The following PTCH2 variants were observed in gnomAD, a reference collection of about 807,000 sequenced individuals.
PTCH2 encodes protein patched homolog 2.
PTCH2 carries 96 observed loss-of-function variants against 117.9 expected under a neutral mutation model. The ratio of observed to expected loss-of-function variants is 0.81; its 90% CI spans 0.69 to 0.96. The LOEUF (loss-of-function observed/expected upper bound fraction) is 0.96, where lower values mean the gene tolerates loss of function less well. Ranked by LOEUF, PTCH2 falls within the 50% of genes least tolerant of loss-of-function variation. The pLI, the probability that PTCH2 is intolerant of heterozygous loss-of-function variation, is 0.00. For synonymous variants in PTCH2, 615 were observed against 660.9 expected (o/e 0.93, Z 1.06); for missense variants, 1,379 against 1,562.5 (o/e 0.88, Z 1.98).
chr1:44,821,270 G>T (rs1255868822), downstream of PTCH2, among the ~76,000 whole-genome samples: 1 of 152,196 alleles, frequency 6.6e-6, no homozygotes, highest in African/African-American at 2.4e-5. Context: ...TAGTGGAGCT[G>T]TTCAACTTTC....
At chr1:44,836,998 T>G (rs986439774) in intron 2 of PTCH2, among the ~76,000 whole-genome samples, 5 of 152,142 alleles carry the variant, frequency 3.3e-5, no homozygotes, top group African/African-American at 1.2e-4. Flanking sequence ...AAGAATGATT[T>G]CTTTTTCCTG....
Position 44,829,648 on chromosome 1 carries a change from G to C in PTCH2, c.1049C>G (p.Thr350Arg). The C allele has an allele frequency of 6.2e-7, 1 of 1,614,216 alleles. No homozygotes were observed. Among genetic ancestry groups the C allele is most frequent in the African/African-American group, 1.3e-5 (1 of 75,048 alleles). ...GCGCCGCTGCCAGGCTTGTAGCACT[G>C]TGCTGGCCTGCTCCTCACTCCAGCC... The part of the protein sequence containing the change: ...DIGWSEEQAS[T>R]VLQAWQRRFV... Residue 350 changes from threonine (T) to arginine (R), a missense_variant, in exon 8 of 22, where the codon ACA becomes AGA. Thr to Arg is a moderately conservative substitution (Grantham distance 71). Coordinates refer to ENST00000372192, the MANE Select transcript of PTCH2 (RefSeq NM_003738.5).
At position 44,822,673 on chromosome 1, in the gene PTCH2, T is replaced by A. The variant is rs750625056; in HGVS notation, c.3358-4A>T. 20 of 1,613,438 alleles carry A rather than the reference T, an allele frequency of 1.2e-5. No homozygotes were observed. Among genetic ancestry groups the A allele is most frequent in the African/African-American group, 2.7e-5 (2 of 74,832 alleles). On this transcript the variant is annotated splice_region_variant and splice_polypyrimidine_tract_variant and intron_variant, in intron 21 of 21. Transcript: ENST00000372192. Reference sequence around the variant, plus strand: ...TTTCCTTGTACATCTGTATCACCTGTGGGGAGACACCAGCCCCAGTAAGCC... The same window carrying A: ...TTTCCTTGTACATCTGTATCACCTGAGGGGAGACACCAGCCCCAGTAAGCC...
rs1472179508 is a variant in PTCH2 at position 44,829,009 on chromosome 1, T to C, written c.1437A>G (p.Thr479=). Residue 479 remains threonine, a synonymous_variant, in exon 11 of 22, where the codon ACA becomes ACG. Coordinates refer to ENST00000372192, the MANE Select transcript of PTCH2 (RefSeq NM_003738.5). ...DDVFLLAHAF[T]EALPGTPLQE... ...GGAGAGGGGTGCCAGGCAGAGCCTCTGTGAAGGCATGCGCCAGCAGGAATA... is the reference window on the plus strand; with the variant it reads ...GGAGAGGGGTGCCAGGCAGAGCCTCCGTGAAGGCATGCGCCAGCAGGAATA... 2.5e-6 allele frequency: 4 copies of C among 1,568,906 alleles called. No individual in the cohort carries two copies. The South Asian group carries it at 3.5e-5, about 14-fold the overall frequency.
chr1:44,822,213 A>T lies in PTCH2; in HGVS notation c.*202T>A. On this transcript the variant is annotated 3_prime_UTR_variant, in exon 22 of 22. Coordinates refer to ENST00000372192, the MANE Select transcript of PTCH2 (RefSeq NM_003738.5). ...CAGCTTTCACTCTCAAGTGACACAG[A>T]TACAGGCTCACACAGGCCTGGATGT... 6.9e-7 allele frequency: 1 copy of T among 1,459,804 alleles called. No individual in the cohort carries two copies. Among genetic ancestry groups the T allele is most frequent in the Non-Finnish European group, 9.0e-7 (1 of 1,111,690 alleles). The allele number at this position is 1,459,804 out of a possible 1,614,324, so 90.4% of individuals were successfully genotyped here. A position where few individuals can be genotyped will look rare whatever the true frequency, so the allele number is the denominator to read the frequency against.
rs770804609 is a variant in PTCH2, at chr1:44,823,105, C to T, written c.3321G>A (p.Leu1107=). The T allele has an allele frequency of 1.2e-6, 2 of 1,613,852 alleles. No individual in the cohort carries two copies. Among genetic ancestry groups the T allele is most frequent in the Non-Finnish European group, 1.7e-6 (2 of 1,179,974 alleles). ...LLGLLHGLVL[L]PVLLSILGPP... is the part of the protein sequence containing the mutation. ...GGCCCAGGATGGACAGCAGCACAGG[C>T]AGCAGCACGAGTCCATGGAGGAGGC... Residue 1107 remains leucine, a synonymous_variant, in exon 21 of 22, where the codon CTG becomes CTA. Transcript: ENST00000372192. The surrounding 1 kb of genome is among the most constrained non-coding windows in gnomAD (Gnocchi z 5.1).
intron 2 of PTCH2, among the ~76,000 whole-genome samples, chr1:44,837,199 T>G (rs1653725871): frequency 6.6e-6 from 1 of 152,170 alleles, no homozygotes; most frequent in Admixed American, 6.6e-5. Flanking sequence ...CCCTTCTTCC[T>G]TTCCTTTTCT....
rs1653008476 is a variant in PTCH2 at position 44,823,543 on chromosome 1, G to A, written c.3115-158C>T. On this transcript the variant is annotated intron_variant, in intron 19 of 21. Coordinates refer to ENST00000372192, the MANE Select transcript of PTCH2 (RefSeq NM_003738.5). The surrounding 1 kb of genome is among the most constrained non-coding windows in gnomAD (Gnocchi z 5.1). ...GGAACTGTACAGGGAGCATGCGTGA[G>A]TCCTTTTAGGTAACACTGTATGGAT... is the stretch of plus-strand genomic sequence containing the variant. Among the ~76,000 whole-genome samples, 1 of 152,230 alleles carries A rather than the reference G, an allele frequency of 6.6e-6. No individual in the cohort carries two copies. The highest frequency in any genetic ancestry group is 2.1e-4 in the South Asian group (1 of 4,826).
chr1:44,824,835 G>A (rs1167842424), intron 19 of PTCH2, among the ~76,000 whole-genome samples: 1 of 151,922 alleles, frequency 6.6e-6, no homozygotes, highest in African/African-American at 2.4e-5. Context: ...ACTACGCCTG[G>A]CTAATTTTTG....
Position 44,842,033 on chromosome 1 carries a change from C to G in PTCH2, c.79G>C (p.Ala27Pro). 6.2e-7 allele frequency: 1 copy of G among 1,612,158 alleles called. No individual in the cohort carries two copies. Among genetic ancestry groups the G allele is most frequent in the Non-Finnish European group, 8.5e-7 (1 of 1,178,590 alleles). ...PARTAAPQIL[A>P]GSLKAPLWLR... ...CAGAGTGGAGCCTTCAGGCTCCCAGCTAGGATCTGGGATGGAAAGAGAAGG... is the reference window on the plus strand; with the variant it reads ...CAGAGTGGAGCCTTCAGGCTCCCAGGTAGGATCTGGGATGGAAAGAGAAGG... The change falls in exon 2 of 22, where the codon GCT becomes CCT. Residue 27 changes from alanine to proline, a missense_variant. Ala to Pro is a conservative substitution (Grantham distance 27, BLOSUM62 -1). Coordinates refer to ENST00000372192, the MANE Select transcript of PTCH2 (RefSeq NM_003738.5).
rs55673324 is a variant in PTCH2, at chr1:44,841,773, T to C, written c.265+74A>G. 125 of 1,550,708 alleles carry C rather than the reference T, an allele frequency of 8.1e-5. No individual in the cohort carries two copies. The East Asian group carries it at 2.3e-3, about 29-fold the overall frequency. ...CAGGGCCAGGCCTGCTAGAGCTCAG[T>C]AGCCAGCTCCTCACCCCGTTCTTGT... On this transcript the variant is annotated intron_variant, in intron 2 of 21. Transcript: ENST00000372192.
downstream of PTCH2, among the ~76,000 whole-genome samples, chr1:44,820,986 T>C (rs1321847051): frequency 6.6e-6 from 1 of 152,180 alleles, no homozygotes; most frequent in Non-Finnish European, 1.5e-5. Context: ...TCAATTGCAA[T>C]AGGCGTTTTT....
chr1:44,823,271 C>G lies in PTCH2; in HGVS notation c.3229G>C (p.Ala1077Pro). 1.2e-6 allele frequency: 2 copies of G among 1,614,236 alleles called. No homozygotes were observed. Among genetic ancestry groups the G allele is most frequent in the South Asian group, 2.2e-5 (2 of 91,088 alleles). Residue 1077 changes from alanine to proline, a missense_variant, in exon 20 of 22, where the codon GCT becomes CCT. Ala to Pro is a conservative substitution (Grantham distance 27, BLOSUM62 -1). Transcript: ENST00000372192. The surrounding 1 kb of genome is among the most constrained non-coding windows in gnomAD (Gnocchi z 5.1). Reference sequence around the variant, plus strand: ...ACAATGAAGTCAAAGTGGGAACCAGCAAGCATGAGCAGACCCAGCAATGTG... The same window carrying G: ...ACAATGAAGTCAAAGTGGGAACCAGGAAGCATGAGCAGACCCAGCAATGTG... ...ISTLLGLLML[A>P]GSHFDFIVRY...
Position 44,831,883 on chromosome 1 carries a change from G to C in PTCH2, c.526-86C>G. On this transcript the variant is annotated intron_variant, in intron 4 of 21. Coordinates refer to ENST00000372192, the MANE Select transcript of PTCH2 (RefSeq NM_003738.5). This position sits in a 1 kb window ranked among gnomAD's most constrained non-coding sequence, Gnocchi z 4.3. ...GCAATCCCCCTCCTTAGTTTTAAGGGGGCAGATTGCAGGCTGTGGGGCTTG... is the reference window on the plus strand; with the variant it reads ...GCAATCCCCCTCCTTAGTTTTAAGGCGGCAGATTGCAGGCTGTGGGGCTTG... 6.4e-7 allele frequency: 1 copy of C among 1,573,630 alleles called. No homozygotes were observed.
intron 2 of PTCH2, among the ~76,000 whole-genome samples, chr1:44,840,168 T>C (rs1408501750): frequency 2.0e-5 from 3 of 149,792 alleles, no homozygotes; most frequent in Non-Finnish European, 4.4e-5. Flanking sequence ...AGTGCGGCGA[T>C]CTTGGCTCAC....
rs779875483 is a variant in PTCH2 at position 44,842,898 on chromosome 1, G to C, written c.35C>G (p.Pro12Arg). The change falls in exon 1 of 22, where the codon CCG becomes CGG. Residue 12 changes from proline to arginine, a missense_variant. By Grantham distance (103) the Pro-to-Arg change is moderately radical. Coordinates refer to ENST00000372192, the MANE Select transcript of PTCH2 (RefSeq NM_003738.5). ...TRSPPLRELP[P>R]SYTPPARTAA... ...GGTTCGAGCTGGGGGTGTGTAACTC[G>C]GGGGCAGCTCTCTGAGGGGCGGCGA... 1.3e-6 allele frequency: 2 copies of C among 1,550,124 alleles called. No individual in the cohort carries two copies. Among genetic ancestry groups the C allele is most frequent in the African/African-American group, 2.7e-5 (2 of 72,936 alleles).
Position 44,823,461 on chromosome 1 carries a change from G to C in PTCH2, c.3115-76C>G, listed in dbSNP as rs570578727. 3 of 1,601,932 alleles carry C rather than the reference G, an allele frequency of 1.9e-6. No individual in the cohort carries two copies. In the South Asian group the frequency reaches 3.3e-5, roughly 18 times the overall value. On this transcript the variant is annotated intron_variant, in intron 19 of 21. Coordinates refer to ENST00000372192, the MANE Select transcript of PTCH2 (RefSeq NM_003738.5). The surrounding 1 kb of genome is among the most constrained non-coding windows in gnomAD (Gnocchi z 5.1). ...CTCAGCCATGTCCCGAGCTGTATCTGTCTTCAGAGCTCAACGATACCTTGG... is the reference window on the plus strand; with the variant it reads ...CTCAGCCATGTCCCGAGCTGTATCTCTCTTCAGAGCTCAACGATACCTTGG...
chr1:44,820,577 T>C, downstream of PTCH2: 5 of 678,806 alleles, frequency 7.4e-6, no homozygotes, highest in Non-Finnish European at 8.3e-6. Context: ...GAAAGTGTTC[T>C]AGGCAGAGGG....
At chr1:44,828,913 C>T in intron 11 of PTCH2, 69 bp downstream of exon 11, 1 of 1,500,520 alleles carries the variant, frequency 6.7e-7, no homozygotes, top group South Asian at 1.2e-5. Context: ...CCCAAGGTCA[C>T]TTGAACCAAG....
Sources: allele counts gnomAD v4.1 joint callset (sites outside exome capture counted in the v4.1 genomes callset), GRCh38; gene constraint gnomAD v4.1.1; non-coding constraint Gnocchi (gnomAD v3.1); transcripts MANE v1.5; gene names NCBI Gene and HGNC (gene_info 2026-07-23, HGNC 2026-07-21).